The following RFT1 variants were observed in gnomAD, a reference collection of about 807,000 sequenced individuals.
RFT1 encodes RFT1 glycolipid translocator homolog.
In RFT1, 43 loss-of-function variants were observed where a neutral mutation model predicts 62.2. The observed-to-expected ratio is 0.69, with a 90% confidence interval of 0.54 to 0.89. The LOEUF is 0.89. RFT1 is among the 40% of genes least tolerant of loss of function. The pLI, the probability that RFT1 is intolerant of heterozygous loss-of-function variation, is 0.00. For missense variants in RFT1, 605 were observed against 649.9 expected (o/e 0.93, Z 0.75); for synonymous variants, 262 against 264.6 (o/e 0.99, Z 0.10).
At chr3:53,099,706 G>A (rs954723804) in intron 10 of RFT1, among the ~76,000 whole-genome samples, 2 of 152,194 alleles carry the variant, frequency 1.3e-5, no homozygotes, top group African/African-American at 4.8e-5. Flanking sequence ...AAAATGACAG[G>A]CTGGGCACGG....
chr3:53,098,937 A>G (rs1307169650), intron 11 of RFT1, among the ~76,000 whole-genome samples: 1 of 152,028 alleles, frequency 6.6e-6, no homozygotes, highest in Non-Finnish European at 1.5e-5. Context: ...TCTCAGGAGA[A>G]GTGTCACAGA....
At chr3:53,128,063 T>C (rs914605077) in intron 1 of RFT1, among the ~76,000 whole-genome samples, 5 of 152,010 alleles carry the variant, frequency 3.3e-5, no homozygotes, top group Non-Finnish European at 5.9e-5. Flanking sequence ...TTCGGGAGGC[T>C]GAGGCAGGTG....
intron 10 of RFT1, 21 bp from the exon 11 acceptor site, chr3:53,099,507 G>A (rs62255932): frequency 3.4e-5 from 54 of 1,595,536 alleles, no homozygotes; most frequent in Non-Finnish European, 4.5e-5. Context: ...ACAACTCACT[G>A]AGACTCCAGA....
chr3:53,083,551 C>T (rs1446302628), downstream of RFT1, among the ~76,000 whole-genome samples: 1 of 151,048 alleles, frequency 6.6e-6, no homozygotes. Context: ...TGGATTTCTC[C>T]AGTGATGGTG....
At chr3:53,074,001 T>A in the RFT1 span, among the ~76,000 whole-genome samples, 21 of 152,114 alleles carry the variant, frequency 1.4e-4, no homozygotes, top group African/African-American at 4.8e-4. Context: ...CAGAAGCAGT[T>A]AGGTCTGCGG....
At chr3:53,087,269 G>A (rs1284360014), downstream of RFT1, among the ~76,000 whole-genome samples, 1 of 152,072 alleles carries the variant, frequency 6.6e-6, no homozygotes, top group East Asian at 1.9e-4. Context: ...GATATCCCCT[G>A]TTCGGATTCT....
At chr3:53,100,105 G>A (rs1486421263) in intron 10 of RFT1, among the ~76,000 whole-genome samples, 1 of 152,194 alleles carries the variant, frequency 6.6e-6, no homozygotes, top group Non-Finnish European at 1.5e-5. Context: ...TAGGCCTGCT[G>A]GTTTGGACTC....
chr3:53,068,319 C>G, the RFT1 span, among the ~76,000 whole-genome samples: 1 of 151,976 alleles, frequency 6.6e-6, no homozygotes, highest in Non-Finnish European at 1.5e-5. Context: ...CAGGAGAGAC[C>G]CCCCCCACCA....
chr3:53,101,194 C>T (rs1443397866), intron 10 of RFT1, among the ~76,000 whole-genome samples: 2 of 152,238 alleles, frequency 1.3e-5, no homozygotes, highest in African/African-American at 4.8e-5. Context: ...GTCTCAGATT[C>T]CATGTTTATC....
intron 9 of RFT1, among the ~76,000 whole-genome samples, chr3:53,105,409 A>C (rs1701435329): frequency 3.6e-5 from 1 of 27,794 alleles, no homozygotes; most frequent in African/African-American, 7.7e-5. Context: ...GCAAGACTCT[A>C]TCCCCGCCCC....
In RFT1 at chr3:53,126,255, C is replaced by T. The variant is rs115242042; in HGVS notation, c.64-261G>A. The stretch of plus-strand genomic sequence containing the variant: ...GGCTCCCTAATTTATTAATAACAAC[C>T]AAGAGGCCCCAATAGACTCACTGAG... On this transcript the variant is annotated intron_variant, in intron 1 of 12. Coordinates refer to ENST00000296292, the MANE Select transcript of RFT1 (RefSeq NM_052859.4). Among the ~76,000 whole-genome samples the T allele has an allele frequency of 0.26, 39,971 of 152,036 alleles. 5,637 individuals are homozygous for T. The highest frequency in any genetic ancestry group is 0.4 in the Middle Eastern group (117 of 292).
At chr3:53,085,114 C>T (rs1482453269), downstream of RFT1, among the ~76,000 whole-genome samples, 1 of 152,174 alleles carries the variant, frequency 6.6e-6, no homozygotes, top group African/African-American at 2.4e-5. Context: ...TGAGAGACTG[C>T]CCCCTCAGTG....
intron 3 of RFT1, among the ~76,000 whole-genome samples, chr3:53,122,999 G>A (rs1702013128): frequency 6.6e-6 from 1 of 152,242 alleles, no homozygotes; most frequent in Admixed American, 6.5e-5. Flanking sequence ...AACCAACAGA[G>A]CAGTGCTCAG....
At chr3:53,126,605 G>T in intron 1 of RFT1, among the ~76,000 whole-genome samples, 1 of 152,154 alleles carries the variant, frequency 6.6e-6, no homozygotes, top group East Asian at 1.9e-4. Context: ...CCTTTTAAAT[G>T]ATGCTGCAAA....
chr3:53,105,555 T>C, intron 9 of RFT1, 118 bp downstream of exon 9: 1 of 1,274,210 alleles, frequency 7.8e-7, no homozygotes, highest in African/African-American at 1.5e-5. Flanking sequence ...AATAGAAGAA[T>C]GAAATCTATA....
intron 1 of RFT1, among the ~76,000 whole-genome samples, chr3:53,128,690 T>C (rs941294550): frequency 2.0e-5 from 3 of 152,216 alleles, no homozygotes; most frequent in African/African-American, 7.2e-5. Context: ...TTTGTATTTT[T>C]TGTAAAGACA....
At chr3:53,119,353 C>T (rs1038840201) in intron 6 of RFT1, among the ~76,000 whole-genome samples, 3 of 152,184 alleles carry the variant, frequency 2.0e-5, no homozygotes, top group African/African-American at 7.2e-5. Context: ...GCTCTGCTGG[C>T]ATGTGAGCCC....
At chr3:53,078,993 AG>A in the RFT1 span, among the ~76,000 whole-genome samples, 2 of 152,252 alleles carry the variant, frequency 1.3e-5, no homozygotes, top group East Asian at 3.8e-4. Context: ...AAGGAGTAAA[AG>A]GCAGGGCTGG....
intron 11 of RFT1, among the ~76,000 whole-genome samples, chr3:53,096,208 G>A (rs982083063): frequency 6.6e-6 from 1 of 152,154 alleles, no homozygotes. Context: ...AATCCCATCT[G>A]TCTTATTCAT....
Sources: allele counts gnomAD v4.1 joint callset (sites outside exome capture counted in the v4.1 genomes callset), GRCh38; gene constraint gnomAD v4.1.1; transcripts MANE v1.5; gene names NCBI Gene and HGNC (gene_info 2026-07-23, HGNC 2026-07-21).